The following EYS variants were observed in gnomAD, a reference collection of about 807,000 sequenced individuals.
EYS encodes EGF-like photoreceptor maintenance factor.
Under a neutral mutation model 282.1 loss-of-function variants are expected in EYS, and 250 were observed. The observed-to-expected ratio is 0.89, with a 90% CI of 0.80 to 0.98. The LOEUF is 0.98. EYS is among the 50% of genes least tolerant of loss of function. The pLI is 0.00. For missense variants in EYS, 4,016 were observed against 3,709.0 expected, an observed-to-expected ratio of 1.08 and a Z score of -2.15; for synonymous variants, 1,355 against 1,282.9, an observed-to-expected ratio of 1.06 and a Z score of -1.20.
chr6:63,763,870 TTATATATATATATA>T (rs55668347), intron 40 of EYS, among the ~76,000 whole-genome samples: 1,564 of 129,666 alleles, frequency 0.012, 30 homozygotes, highest in African/African-American at 0.043. Context: ...TTATATCTTG[TTATATATATATATA>T]TATATATATA....
At chr6:65,479,048 G>C (rs1302214792) in intron 5 of EYS, among the ~76,000 whole-genome samples, 2 of 148,968 alleles carry the variant, frequency 1.3e-5, no homozygotes, top group South Asian at 2.1e-4. Context: ...AAAATGAATA[G>C]AGCCTCAGTG....
At chr6:63,760,646 GTATA>G (rs1477461809) in intron 41 of EYS, among the ~76,000 whole-genome samples, 1 of 128,078 alleles carries the variant, frequency 7.8e-6, no homozygotes, top group Non-Finnish European at 1.7e-5. Flanking sequence ...ATGTATGTAT[GTATA>G]TCTATCTATC....
At chr6:65,069,763 T>TGGAGTTTACAA (rs1773853065) in intron 12 of EYS, among the ~76,000 whole-genome samples, 1 of 152,006 alleles carries the variant, frequency 6.6e-6, no homozygotes, top group Non-Finnish European at 1.5e-5. Context: ...TTTACATCCT[T>TGGAGTTTACAA]AGCTCAGATT....
At chr6:64,346,959 C>T (rs1434591381) in intron 29 of EYS, among the ~76,000 whole-genome samples, 2 of 151,324 alleles carry the variant, frequency 1.3e-5, no homozygotes, top group Non-Finnish European at 3.0e-5. Context: ...GCTTTGACTA[C>T]TAAAAATGCT....
chr6:64,785,786 A>G (rs532702385), intron 22 of EYS, among the ~76,000 whole-genome samples: 1 of 152,166 alleles, frequency 6.6e-6, no homozygotes, highest in Admixed American at 6.5e-5. Flanking sequence ...TAGTTGCTGG[A>G]GGTATAAATT....
intron 35 of EYS, among the ~76,000 whole-genome samples, chr6:63,881,127 C>G (rs527877499): frequency 1.3e-4 from 20 of 152,238 alleles, no homozygotes; most frequent in African/African-American, 4.8e-4. Flanking sequence ...AGTTTATTTC[C>G]CCTCAATTGC....
chr6:65,666,910 T>C (rs1216175673), intron 1 of EYS, among the ~76,000 whole-genome samples: 1 of 147,052 alleles, frequency 6.8e-6, no homozygotes, highest in Non-Finnish European at 1.5e-5. Context: ...AAAAAATACA[T>C]AAAAAATATA....
intron 19 of EYS, among the ~76,000 whole-genome samples, chr6:64,859,006 G>T (rs552492671): frequency 9.9e-5 from 15 of 151,930 alleles, no homozygotes; most frequent in African/African-American, 3.6e-4. Context: ...AGAAAGAAAT[G>T]AAAAGTATTC....
At chr6:64,988,097 C>T (rs1583364416) in intron 14 of EYS, among the ~76,000 whole-genome samples, 1 of 150,924 alleles carries the variant, frequency 6.6e-6, no homozygotes, top group East Asian at 2.0e-4. Flanking sequence ...AGCACAGCAG[C>T]TACAGGAAGG....
intron 31 of EYS, among the ~76,000 whole-genome samples, chr6:64,126,405 T>G (rs1773788384): frequency 6.6e-6 from 1 of 150,846 alleles, no homozygotes; most frequent in Admixed American, 6.6e-5. Context: ...CTCTCAAGTC[T>G]CCTCAAGATT....
intron 8 of EYS, among the ~76,000 whole-genome samples, chr6:65,380,383 T>A (rs1043881884): frequency 1.8e-4 from 28 of 152,112 alleles, no homozygotes; most frequent in African/African-American, 5.8e-4. Context: ...GAATTCCCTA[T>A]TTAATAAATG....
intron 21 of EYS, among the ~76,000 whole-genome samples, chr6:64,819,007 T>C (rs1194344109): frequency 6.6e-6 from 1 of 152,180 alleles, no homozygotes; most frequent in Non-Finnish European, 1.5e-5. Context: ...GAGGTTCACA[T>C]GTAACACCTT....
At chr6:64,866,858 G>A (rs527852607) in intron 19 of EYS, among the ~76,000 whole-genome samples, 1 of 151,636 alleles carries the variant, frequency 6.6e-6, no homozygotes, top group Non-Finnish European at 1.5e-5. Context: ...TAAGAGTGAT[G>A]AAACAGGAGA....
chr6:64,261,064 C>G (rs961568551), intron 30 of EYS, among the ~76,000 whole-genome samples: 1 of 151,806 alleles, frequency 6.6e-6, no homozygotes, highest in African/African-American at 2.4e-5. Flanking sequence ...TTTTAAAATA[C>G]ACAATAAATT....
chr6:64,293,805 C>T (rs1768801498), intron 30 of EYS, among the ~76,000 whole-genome samples: 1 of 151,792 alleles, frequency 6.6e-6, no homozygotes, highest in Non-Finnish European at 1.5e-5. Context: ...TGCAATGTTC[C>T]TACTATTTCT....
At chr6:65,400,959 T>C (rs1766471615) in intron 7 of EYS, among the ~76,000 whole-genome samples, 1 of 151,954 alleles carries the variant, frequency 6.6e-6, no homozygotes, top group Non-Finnish European at 1.5e-5. Context: ...CAAAGTATGG[T>C]GTCTCCAGAT....
chr6:65,397,993 T>G (rs1371738542), intron 7 of EYS, among the ~76,000 whole-genome samples: 1 of 152,112 alleles, frequency 6.6e-6, no homozygotes, highest in African/African-American at 2.4e-5. Context: ...TAATTTGTAT[T>G]TATCTGATGA....
intron 22 of EYS, among the ~76,000 whole-genome samples, chr6:64,724,946 T>C (rs1475458841): frequency 6.6e-6 from 1 of 151,978 alleles, no homozygotes; most frequent in Admixed American, 6.6e-5. Flanking sequence ...ATAAGCTGAC[T>C]AAGAATTTCA....
At chr6:64,570,887 C>T (rs1311536818) in intron 26 of EYS, among the ~76,000 whole-genome samples, 1 of 152,086 alleles carries the variant, frequency 6.6e-6, no homozygotes, top group Non-Finnish European at 1.5e-5. Flanking sequence ...AGAAAATTAA[C>T]AAGGATATTC....
Sources: gnomAD v4.1 joint callset for allele counts (sites outside exome capture counted in the v4.1 genomes callset) on GRCh38, gnomAD v4.1.1 for gene constraint, MANE v1.5 for transcripts, NCBI Gene and HGNC (gene_info 2026-07-23, HGNC 2026-07-21) for gene names.